The following PUDP variants were observed in gnomAD, a reference collection of about 807,000 sequenced individuals.
The protein encoded by PUDP is pseudouridine 5'-phosphatase, also known as pseudouridine-5'-phosphatase.
PUDP carries 8 observed loss-of-function variants against 9.4 expected under a neutral mutation model. The observed-to-expected ratio is 0.85, with a 90% CI of 0.50 to 1.53. PUDP has a LOEUF of 1.53. Among genes scored for constraint, PUDP ranks in the 40% most tolerant of loss-of-function variants. The pLI is 0.00. For synonymous variants in PUDP, 99 were observed against 80.7 expected (o/e 1.23, Z -1.22); for missense variants, 188 against 189.7 (o/e 0.99, Z 0.05).
intron 3 of PUDP, among the ~76,000 whole-genome samples, chrX:6,730,224 A>G (rs917130886): frequency 6.2e-5 from 7 of 112,108 alleles, no homozygotes; most frequent in Non-Finnish European, 1.1e-4. Context: ...CCCACTCCAG[A>G]GAATCCCTGA....
intron 1 of PUDP, among the ~76,000 whole-genome samples, chrX:7,042,659 TG>T (rs35699373): frequency 7.7e-5 from 8 of 104,112 alleles, no homozygotes; most frequent in African/African-American, 2.1e-4. Context: ...TTTCATTTTT[TG>T]GGGGGGGTAG....
intron 2 of PUDP, among the ~76,000 whole-genome samples, chrX:7,080,808 A>T (rs1236946562): frequency 9.1e-6 from 1 of 109,617 alleles, no homozygotes; most frequent in African/African-American, 3.3e-5. Context: ...GTAACCCGTT[A>T]CTTGGGAGGC....
intron 3 of PUDP, among the ~76,000 whole-genome samples, chrX:7,071,907 G>C (rs1385318751): frequency 9.1e-6 from 1 of 110,033 alleles, no homozygotes; most frequent in Non-Finnish European, 1.9e-5. Flanking sequence ...CTCCTAAGTA[G>C]CTGAGACTAC....
Position 6,946,007 on chromosome X carries a change from C to G in PUDP, c.*247+31126G>C, listed in dbSNP as rs961718253. 9.9e-5 allele frequency among the ~76,000 whole-genome samples: 11 copies of G among 111,182 alleles called. No homozygotes were observed. The Admixed American group carries it at 1.1e-3, about 11-fold the overall frequency. On this transcript the variant is annotated intron_variant and NMD_transcript_variant, in intron 3 of 3. Coordinates refer to the PUDP transcript ENST00000655425. ...CCTAAGGGTTAAATAGAAACCAGCC[C>G]TTTCCAAAGACTCCACTGCTGATAT...
chrX:6,816,117 G>T (rs1926228561), intron 3 of PUDP, among the ~76,000 whole-genome samples: 1 of 105,749 alleles, frequency 9.5e-6, no homozygotes, highest in Admixed American at 1.0e-4. Context: ...ACATAAACAT[G>T]AATAAACATA....
Position 6,741,806 on chromosome X carries a change from A to ATC in PUDP, c.*248-35342_*248-35341dup, listed in dbSNP as rs745363071. ...TGTATAAAGATTTCTCTCTTTTTAA[A>ATC]TCTCTCTCTCTCTCTCTCTCTCTCT... On this transcript the variant is annotated intron_variant and NMD_transcript_variant, in intron 3 of 3. Transcript: ENST00000655425. Among the ~76,000 whole-genome samples the ATC allele has an allele frequency of 7.1e-3, 715 of 100,964 alleles. 4 individuals carry two copies. The highest frequency in any genetic ancestry group is 0.012 in the African/African-American group (321 of 26,972). 87.7% of individuals were successfully genotyped at this position (100,964 alleles called of 115,157 possible). A position where few individuals can be genotyped will look rare whatever the true frequency, so the allele number is the denominator to read the frequency against.
rs538822991 is a variant in PUDP, at chrX:6,888,935, A to G, written c.*247+88198T>C. ...GATATTGCACTACCAACAGGAAGAC[A>G]CCGTTGAATGCATTCTGGACAAAAG... On this transcript the variant is annotated intron_variant and NMD_transcript_variant, in intron 3 of 3. Coordinates refer to the PUDP transcript ENST00000655425. Among the ~76,000 whole-genome samples the G allele has an allele frequency of 5.3e-5, 6 of 112,483 alleles. No individual in the cohort carries two copies. The South Asian group carries it at 1.1e-3, about 21-fold the overall frequency.
rs546895940 is a variant in PUDP, at chrX:6,851,803, A to G, written c.*247+125330T>C. On this transcript the variant is annotated intron_variant and NMD_transcript_variant, in intron 3 of 3. Transcript: ENST00000655425. ...TGTGGAATCAGGGACACAGAGTCCA[A>G]CTCTTGCTCCACTCCCAATAGCAAA... Among the ~76,000 whole-genome samples the G allele has an allele frequency of 5.6e-4, 62 of 110,843 alleles. No homozygotes were observed. The South Asian group carries it at 0.022, about 39-fold the overall frequency.
chrX:7,077,200 T>C lies in PUDP; in HGVS notation c.510+20A>G. The C allele has an allele frequency of 8.5e-7, 1 of 1,175,479 alleles. No individual in the cohort carries two copies. Among genetic ancestry groups the C allele is most frequent in the Non-Finnish European group, 1.1e-6 (1 of 877,181 alleles). ...GAACATGGTTGTGGAACACGGCCCG[T>C]GTCACCGGCACCCACTTACCTTCTC... is the stretch of plus-strand genomic sequence containing the variant. On this transcript the variant is annotated intron_variant, in intron 3 of 3. Transcript: ENST00000381077.
chrX:6,860,520 G>T (rs1926984202), intron 3 of PUDP, among the ~76,000 whole-genome samples: 1 of 108,125 alleles, frequency 9.2e-6, no homozygotes, highest in African/African-American at 3.4e-5. Context: ...GGCCAGGCTG[G>T]AGTGCAGTGG....
At chrX:7,057,568 T>C in intron 3 of PUDP, 5 of 951,295 alleles carry the variant, frequency 5.3e-6, no homozygotes, top group Middle Eastern at 4.0e-4. Flanking sequence ...GTTTCTGATG[T>C]GGTGGGTCTT....
At chrX:6,714,309 A>G (rs1924569757) in intron 1 of PUDP, among the ~76,000 whole-genome samples, 1 of 112,174 alleles carries the variant, frequency 8.9e-6, no homozygotes, top group African/African-American at 3.2e-5. Context: ...AAATTGAGGT[A>G]GGGAGATAAA....
intron 3 of PUDP, among the ~76,000 whole-genome samples, chrX:7,064,544 G>A (rs908020792): frequency 1.8e-5 from 2 of 111,357 alleles, no homozygotes; most frequent in African/African-American, 6.5e-5. Context: ...TCAGGTGGGA[G>A]ATGTGCTTCC....
intron 3 of PUDP, among the ~76,000 whole-genome samples, chrX:6,775,768 G>A (rs1486118652): frequency 6.3e-5 from 7 of 110,774 alleles, no homozygotes; most frequent in Non-Finnish European, 1.1e-4. Context: ...AGGCCCCAGA[G>A]AGCTCCCTCA....
intron 1 of PUDP, among the ~76,000 whole-genome samples, chrX:7,146,861 T>C (rs1932874168): frequency 1.9e-5 from 2 of 103,383 alleles, no homozygotes; most frequent in East Asian, 6.1e-4. Flanking sequence ...TTTTTTTAAT[T>C]AGTGACATGC....
chrX:6,924,708 T>C (rs73627101), intron 3 of PUDP, among the ~76,000 whole-genome samples: 3,593 of 112,350 alleles, frequency 0.032, 140 homozygotes, highest in African/African-American at 0.11. Context: ...ATTTTGTCCT[T>C]CAAAAAGCTT....
At chrX:7,003,477 T>G (rs1037384437) in intron 1 of PUDP, among the ~76,000 whole-genome samples, 1 of 111,703 alleles carries the variant, frequency 9.0e-6, no homozygotes, top group Non-Finnish European at 1.9e-5. Flanking sequence ...AAACAACACT[T>G]AAAGGGAAAC....
At chrX:6,876,639 A>ATATGTGTGTGTGTG (rs749582262) in intron 3 of PUDP, among the ~76,000 whole-genome samples, 1,640 of 92,768 alleles carry the variant, frequency 0.018, 22 homozygotes, top group Middle Eastern at 0.03. Context: ...CTAAAATGTT[A>ATATGTGTGTGTGTG]TGTGTGTGTG....
In PUDP at chrX:6,819,097, T is replaced by C. The variant is rs189932695; in HGVS notation, c.*248-112631A>G. ...TGTACGGAGACCCCCAGAATTTTAA[T>C]ACTCAAGTGACACCACTTAAATGTG... is the stretch of plus-strand genomic sequence containing the variant. On this transcript the variant is annotated intron_variant and NMD_transcript_variant, in intron 3 of 3. Transcript: ENST00000655425. Among the ~76,000 whole-genome samples, 8 of 111,730 alleles carry C rather than the reference T, an allele frequency of 7.2e-5. 1 individual carries two copies. Among genetic ancestry groups the C allele is most frequent in the Admixed American group, 6.7e-4 (7 of 10,460 alleles).
Sources: allele counts gnomAD v4.1 joint callset (sites outside exome capture counted in the v4.1 genomes callset), GRCh38; gene constraint gnomAD v4.1.1; transcripts MANE v1.5; gene names NCBI Gene and HGNC (gene_info 2026-07-23, HGNC 2026-07-21).